MYO5A: variants seen among roughly 807,000 people sequenced by gnomAD.
MYO5A encodes the protein myosin VA.
MYO5A carries 98 observed loss-of-function variants against 249.7 expected under a neutral mutation model. The observed-to-expected ratio is 0.39, with a 90% CI of 0.33 to 0.46. The LOEUF (loss-of-function observed/expected upper bound fraction) is 0.46, where lower values mean the gene tolerates loss of function less well. Among genes scored for constraint, MYO5A ranks in the 20% least tolerant of loss-of-function variants. MYO5A has a pLI of 0.98. For synonymous variants in MYO5A, 778 were observed against 810.6 expected, an observed-to-expected ratio of 0.96 and a Z score of 0.68; for missense variants, 1,696 against 2,308.8, an observed-to-expected ratio of 0.73 and a Z score of 5.44.
chr15:52,515,407 T>C (rs1475056357), intron 1 of MYO5A, among the ~76,000 whole-genome samples: 1 of 152,134 alleles, frequency 6.6e-6, no homozygotes, highest in African/African-American at 2.4e-5. Context: ...AGACGATTTC[T>C]AAGTTTTGTG....
chr15:52,367,913 AC>A (rs1223705017), intron 22 of MYO5A, among the ~76,000 whole-genome samples: 3 of 139,784 alleles, frequency 2.1e-5, no homozygotes, highest in African/African-American at 7.6e-5. Context: ...ACACACACAC[AC>A]AAGTTGACTC....
chr15:52,390,848 T>C (rs2042201054), intron 12 of MYO5A, among the ~76,000 whole-genome samples: 1 of 152,128 alleles, frequency 6.6e-6, no homozygotes, highest in African/African-American at 2.4e-5. Flanking sequence ...TATAAGCCCA[T>C]CATGCCCGGC....
chr15:52,407,695 C>T (rs968517926), intron 7 of MYO5A, among the ~76,000 whole-genome samples: 3 of 152,028 alleles, frequency 2.0e-5, no homozygotes, highest in African/African-American at 4.8e-5. Context: ...ATCCTTTACT[C>T]CCCTCATAAG....
intron 1 of MYO5A, among the ~76,000 whole-genome samples, chr15:52,521,227 CA>C (rs10533876): frequency 0.056 from 7,661 of 137,698 alleles, 221 homozygotes; most frequent in Middle Eastern, 0.075. Flanking sequence ...GACTCTGTCT[CA>C]AAAAAAAAAA....
chr15:52,368,732 C>G (rs1370832193), intron 22 of MYO5A, among the ~76,000 whole-genome samples: 1 of 152,110 alleles, frequency 6.6e-6, no homozygotes, highest in East Asian at 1.9e-4. Context: ...TAGGAAACAC[C>G]GTCTGAACTA....
chr15:52,348,851 C>CA (rs754506045), intron 28 of MYO5A, 25 bp from the exon 29 acceptor site: 4 of 1,599,858 alleles, frequency 2.5e-6, no homozygotes, highest in Middle Eastern at 1.7e-4. Flanking sequence ...TCAGCAAGCA[C>CA]AAAAAACAGA....
chr15:52,364,953 G>A (rs1006968381), intron 23 of MYO5A, among the ~76,000 whole-genome samples: 2 of 152,120 alleles, frequency 1.3e-5, no homozygotes, highest in African/African-American at 4.8e-5. Flanking sequence ...TTGATACACT[G>A]GTTACAGCAC....
chr15:52,515,040 G>A (rs916609629), intron 1 of MYO5A, among the ~76,000 whole-genome samples: 2 of 152,182 alleles, frequency 1.3e-5, no homozygotes, highest in Non-Finnish European at 2.9e-5. Context: ...CACTTTGGGA[G>A]GCCAGGGTGG....
intron 1 of MYO5A, among the ~76,000 whole-genome samples, chr15:52,468,225 T>C (rs1038012152): frequency 6.6e-6 from 1 of 151,998 alleles, no homozygotes. Context: ...TCACCCGAGC[T>C]GGGAAGGCAG....
chr15:52,511,359 T>C (rs750555349), intron 1 of MYO5A, among the ~76,000 whole-genome samples: 21 of 152,252 alleles, frequency 1.4e-4, no homozygotes, highest in Non-Finnish European at 2.6e-4. Flanking sequence ...CAGATCGCAG[T>C]CTGTCTCAGA....
chr15:52,489,561 TAA>T (rs757979547), intron 1 of MYO5A, among the ~76,000 whole-genome samples: 11 of 99,166 alleles, frequency 1.1e-4, no homozygotes, highest in Admixed American at 1.1e-4. Flanking sequence ...AGACTTTGTC[TAA>T]AAAAAAAAAA....
At chr15:52,367,370 T>A (rs1483505983) in intron 22 of MYO5A, among the ~76,000 whole-genome samples, 1 of 152,260 alleles carries the variant, frequency 6.6e-6, no homozygotes, top group East Asian at 1.9e-4. Flanking sequence ...ATGCTCTTTA[T>A]ATCCGTTATA....
chr15:52,528,745 C>A (rs765731529), intron 1 of MYO5A, 35 bp downstream of exon 1: 2 of 1,501,348 alleles, frequency 1.3e-6, no homozygotes, highest in South Asian at 1.2e-5. Context: ...GGCCGCACAG[C>A]CCCAGTCCTC....
chr15:52,371,090 G>A (rs1394497612), intron 21 of MYO5A, among the ~76,000 whole-genome samples: 1 of 151,442 alleles, frequency 6.6e-6, no homozygotes, highest in African/African-American at 2.4e-5. Context: ...TTTAGCCTGG[G>A]TGACAGGGTG....
chr15:52,505,873 T>C, intron 1 of MYO5A: 1 of 1,561,276 alleles, frequency 6.4e-7, no homozygotes, highest in Non-Finnish European at 8.6e-7. Context: ...AAATCCATCC[T>C]GGATCATGGC....
intron 1 of MYO5A, among the ~76,000 whole-genome samples, chr15:52,460,755 C>A (rs2076233263): frequency 6.6e-6 from 1 of 152,052 alleles, no homozygotes; most frequent in Non-Finnish European, 1.5e-5. Context: ...GACATAGTTT[C>A]TCCCCCCACC....
rs760491276 is a variant in MYO5A, at chr15:52,428,472, T to C, written c.236A>G (p.Tyr79Cys). ...VGENDLTALSYLHEPAVLHNL... is the reference protein window; with the variant it reads ...VGENDLTALSCLHEPAVLHNL... ...ATGGAGCACAGCAGGCTCATGAAGATAGCTGAGGGCTGTGAGGTCATTTTC... is the reference window on the plus strand; with the variant it reads ...ATGGAGCACAGCAGGCTCATGAAGACAGCTGAGGGCTGTGAGGTCATTTTC... Residue 79 changes from tyrosine to cysteine, a missense_variant, in exon 3 of 42, where the codon TAT becomes TGT. Around this residue, in one of 5 missense-constraint regions of MYO5A, gnomAD observed 197 missense variants for 320.3 expected, o/e 0.62. Coordinates refer to ENST00000399233, the MANE Select transcript of MYO5A (RefSeq NM_001382347.1). 6.2e-7 allele frequency: 1 copy of C among 1,614,120 alleles called. No individual in the cohort carries two copies. The highest frequency in any genetic ancestry group is 1.1e-5 in the South Asian group (1 of 91,088).
At chr15:52,466,868 G>T (rs1299679762) in intron 1 of MYO5A, among the ~76,000 whole-genome samples, 1 of 152,176 alleles carries the variant, frequency 6.6e-6, no homozygotes, top group African/African-American at 2.4e-5. Context: ...CAGCACTTGA[G>T]AAAGAGAAGA....
intron 1 of MYO5A, among the ~76,000 whole-genome samples, chr15:52,494,848 G>A (rs531853994): frequency 7.2e-5 from 11 of 152,236 alleles, no homozygotes; most frequent in Admixed American, 6.5e-4. Flanking sequence ...CAAGTGTTAA[G>A]GATTCCGCTG....
Sources: gnomAD v4.1 joint callset for allele counts (sites outside exome capture counted in the v4.1 genomes callset) on GRCh38, gnomAD v4.1.1 for gene constraint, gnomAD v4.1.1 regional missense constraint, MANE v1.5 for transcripts, NCBI Gene and HGNC (gene_info 2026-07-23, HGNC 2026-07-21) for gene names.